PRAMEF4: variants seen among roughly 807,000 people sequenced by gnomAD.
PRAMEF4 encodes the protein PRAME family member 4.
PRAMEF4 carries 18 observed loss-of-function variants against 34.4 expected under a neutral mutation model. That is an observed-to-expected ratio of 0.52 (90% CI 0.36 to 0.78). The LOEUF (loss-of-function observed/expected upper bound fraction) is 0.78, where lower values mean the gene tolerates loss of function less well. Ranked by LOEUF, PRAMEF4 falls within the 30% of genes least tolerant of loss-of-function variation. The pLI is 0.00. For missense variants in PRAMEF4, 482 were observed against 569.1 expected, an observed-to-expected ratio of 0.85 and a Z score of 1.56; for synonymous variants, 156 against 219.3, an observed-to-expected ratio of 0.71 and a Z score of 2.55.
Position 12,882,809 on chromosome 1 carries a change from C to G in PRAMEF4, c.293+293G>C, listed in dbSNP as rs1640918308. On this transcript the variant is annotated intron_variant, in intron 2 of 3. Transcript: ENST00000235349. ...TTTACCATGTTGGACAGGCTGGCCT[C>G]CAACTCTTGACCTCAGCCTCCCAAT... is the stretch of plus-strand genomic sequence containing the variant. 1.4e-5 allele frequency among the ~76,000 whole-genome samples: 2 copies of G among 147,542 alleles called. 1 individual carries two copies. Among genetic ancestry groups the G allele is most frequent in the Admixed American group, 1.4e-4 (2 of 14,246 alleles).
rs749426669 is a variant in PRAMEF4, at chr1:12,882,099, C to T, written c.630G>A (p.Gln210=). 1.3e-6 allele frequency: 2 copies of T among 1,585,484 alleles called. No homozygotes were observed. Among genetic ancestry groups the T allele is most frequent in the African/African-American group, 1.4e-5 (1 of 70,968 alleles). ...CCCACTTGCAATTCACTTCCACCTC[C>T]TGGATACAGTCTAGGTTCACCATTT... ...ILKMVNLDCI[Q]EVEVNCKWVL... Residue 210 remains glutamine (Q), a synonymous_variant, in exon 3 of 4, where the codon CAG becomes CAA. Coordinates refer to ENST00000235349, the MANE Select transcript of PRAMEF4 (RefSeq NM_001009611.4).
chr1:12,881,629 G>A (rs1273407618), intron 3 of PRAMEF4, among the ~76,000 whole-genome samples: 1 of 141,176 alleles, frequency 7.1e-6, no homozygotes, highest in Non-Finnish European at 1.5e-5. Flanking sequence ...TTCCTAGCAT[G>A]GCAGCCTCTC....
In PRAMEF4 at chr1:12,883,404, G is replaced by T; in HGVS notation, c.-10C>A. On this transcript the variant is annotated 5_prime_UTR_variant, in exon 2 of 4. In the 5' UTR this introduces an upstream ATG that the reference lacks. Coordinates refer to ENST00000235349, the MANE Select transcript of PRAMEF4 (RefSeq NM_001009611.4). ...AGATGCTCATCTTCATGAATCTGCA[G>T]GGAAAACTTCCAGAGGACAAACCCA... 1 of 1,595,002 alleles carries T rather than the reference G, an allele frequency of 6.3e-7. No individual in the cohort carries two copies. Among genetic ancestry groups the T allele is most frequent in the East Asian group, 2.3e-5 (1 of 43,958 alleles).
chr1:12,884,429 C>T (rs879526780), intron 1 of PRAMEF4, among the ~76,000 whole-genome samples: 11 of 149,510 alleles, frequency 7.4e-5, no homozygotes, highest in African/African-American at 2.2e-4. Flanking sequence ...AACTGAACCA[C>T]TTTGGCTGGG....
rs915786900 is a variant in PRAMEF4, at chr1:12,886,068, C to T, written c.-17+79G>A. ...AGGACAGGATATAGCTCTGTGCCAT[C>T]GTAGGCTGCACTGTCACCATCCCAG... On this transcript the variant is annotated intron_variant, in intron 1 of 3. Transcript: ENST00000235349. 59 of 132,686 alleles carry T rather than the reference C, an allele frequency of 4.4e-4. 3 individuals are homozygous for T. In the South Asian group the frequency reaches 0.011, roughly 26 times the overall value. The allele number at this position is 132,686 out of a possible 1,614,324, so 8.2% of individuals were successfully genotyped here. A position where few individuals can be genotyped will look rare whatever the true frequency, so the allele number is the denominator to read the frequency against.
chr1:12,884,446 G>C (rs1569886827), intron 1 of PRAMEF4, among the ~76,000 whole-genome samples: 1 of 149,594 alleles, frequency 6.7e-6, no homozygotes, highest in East Asian at 1.9e-4. Context: ...TGGGTGCAGT[G>C]ACTCACACCT....
chr1:12,880,315 C>A (rs1178441851), intron 3 of PRAMEF4, among the ~76,000 whole-genome samples: 4 of 150,722 alleles, frequency 2.7e-5, no homozygotes, highest in African/African-American at 7.3e-5. Flanking sequence ...GTAACTCACA[C>A]CTGTAATCCC....
At chr1:12,885,187 T>C (rs1397158733) in intron 1 of PRAMEF4, among the ~76,000 whole-genome samples, 4 of 150,430 alleles carry the variant, frequency 2.7e-5, no homozygotes, top group African/African-American at 9.8e-5. Context: ...TGGAGTGCAG[T>C]GGCACCATCA....
At chr1:12,885,692 T>C (rs1460008867) in intron 1 of PRAMEF4, among the ~76,000 whole-genome samples, 1 of 146,044 alleles carries the variant, frequency 6.8e-6, no homozygotes, top group Non-Finnish European at 1.5e-5. Context: ...GACTGAGGCA[T>C]GAGAATTGCT....
intron 3 of PRAMEF4, 135 bp downstream of exon 3, chr1:12,881,719 A>T: frequency 1.4e-6 from 2 of 1,417,670 alleles, no homozygotes; most frequent in African/African-American, 1.5e-5. Flanking sequence ...GGCCGCCCAC[A>T]GGACAATGCA....
At chr1:12,884,341 G>A (rs1348340123) in intron 1 of PRAMEF4, among the ~76,000 whole-genome samples, 1 of 149,458 alleles carries the variant, frequency 6.7e-6, no homozygotes, top group African/African-American at 2.5e-5. Context: ...TCAGTGAGAA[G>A]CTTTGAAAGC....
In PRAMEF4 at chr1:12,883,142, C is replaced by G. The variant is rs200120101; in HGVS notation, c.253G>C (p.Asp85His). ...AGGTTAAGCAGTGCATCCAGCCCATCGAGCACAGCTTGGAAGGCCTCCAGA... is the reference window on the plus strand; with the variant it reads ...AGGTTAAGCAGTGCATCCAGCCCATGGAGCACAGCTTGGAAGGCCTCCAGA... Reference protein sequence around the residue: ...PCLEAFQAVLDGLDALLNLGV... With the variant: ...PCLEAFQAVLHGLDALLNLGV... Residue 85 changes from aspartate to histidine, a missense_variant, in exon 2 of 4, where the codon GAT becomes CAT. By Grantham distance (81) the Asp-to-His change is moderately conservative. Coordinates refer to ENST00000235349, the MANE Select transcript of PRAMEF4 (RefSeq NM_001009611.4). The G allele has an allele frequency of 3.1e-6, 5 of 1,601,396 alleles. No individual in the cohort carries two copies. Among genetic ancestry groups the G allele is most frequent in the South Asian group, 1.1e-5 (1 of 90,208 alleles).
Position 12,886,191 on chromosome 1 carries a change from C to G in PRAMEF4, c.-61G>C, listed in dbSNP as rs867152263. The G allele has an allele frequency of 6.9e-6, 1 of 145,460 alleles. No individual in the cohort carries two copies. The highest frequency in any genetic ancestry group is 3.5e-3 in the Middle Eastern group (1 of 286). 9.0% of individuals were successfully genotyped at this position (145,460 alleles called of 1,614,324 possible). A position where few individuals can be genotyped will look rare whatever the true frequency, so the allele number is the denominator to read the frequency against. On this transcript the variant is annotated 5_prime_UTR_variant, in exon 1 of 4. Coordinates refer to ENST00000235349, the MANE Select transcript of PRAMEF4 (RefSeq NM_001009611.4). ...GAAGGTTCTCAGATCTCAGGAAGAA[C>G]CAAGCAGGAACTCCAGGCTTGAAGA...
chr1:12,879,924 T>C lies in PRAMEF4; in HGVS notation c.1057A>G (p.Thr353Ala), dbSNP rs2100418579. ...TCATCTAAATCCAGGTACTCAAGGG[T>C]GGCTGCAACTTTTTCTAGGAGAATT... ...LQILLEKVAA[T>A]LEYLDLDDCG... is the part of the protein sequence containing the mutation. Residue 353 changes from threonine (T) to alanine (A), a missense_variant, in exon 4 of 4, where the codon ACC (threonine) becomes GCC (alanine). Thr to Ala is a moderately conservative substitution (Grantham distance 58, BLOSUM62 0). Around this residue, in one of 6 missense-constraint regions of PRAMEF4, gnomAD observed 35 missense variants for 109.2 expected, o/e 0.32. Transcript: ENST00000235349. 1 of 1,604,986 alleles carries C rather than the reference T, an allele frequency of 6.2e-7. No homozygotes were observed. Among genetic ancestry groups the C allele is most frequent in the Non-Finnish European group, 8.5e-7 (1 of 1,176,886 alleles).
intron 3 of PRAMEF4, among the ~76,000 whole-genome samples, chr1:12,881,257 T>C (rs1640882424): frequency 6.8e-6 from 1 of 147,888 alleles, no homozygotes; most frequent in Admixed American, 7.0e-5. Flanking sequence ...TCCCAGGCAC[T>C]CAGGAGGCTG....
Position 12,885,841 on chromosome 1 carries a change from G to A in PRAMEF4, c.-17+306C>T, listed in dbSNP as rs556213059. 8.3e-3 allele frequency among the ~76,000 whole-genome samples: 1,167 copies of A among 140,910 alleles called. 64 individuals carry two copies. Among genetic ancestry groups the A allele is most frequent in the African/African-American group, 0.03 (1,113 of 36,616 alleles). 92.4% of individuals were successfully genotyped at this position (140,910 alleles called of 152,430 possible). A position where few individuals can be genotyped will look rare whatever the true frequency, so the allele number is the denominator to read the frequency against. On this transcript the variant is annotated intron_variant, in intron 1 of 3. Coordinates refer to ENST00000235349, the MANE Select transcript of PRAMEF4 (RefSeq NM_001009611.4). ...GGGTTTTTGTCATGTTGTCCAGGTT[G>A]GTCTCAAATCCCTGGGCTGAAATGA...
At chr1:12,880,705 C>A (rs1477167619) in intron 3 of PRAMEF4, among the ~76,000 whole-genome samples, 1 of 148,254 alleles carries the variant, frequency 6.7e-6, no homozygotes, top group Non-Finnish European at 1.5e-5. Context: ...AAACCACATC[C>A]CTGGGCCACA....
rs934636267 is a variant in PRAMEF4, at chr1:12,885,169, G to A, written c.-17+978C>T. On this transcript the variant is annotated intron_variant, in intron 1 of 3. Coordinates refer to ENST00000235349, the MANE Select transcript of PRAMEF4 (RefSeq NM_001009611.4). The stretch of plus-strand genomic sequence containing the variant: ...TGAGGGAGCTGAGTCTCACTTCGTC[G>A]CCCAGGCTGGAGTGCAGTGGCACCA... 4.6e-5 allele frequency among the ~76,000 whole-genome samples: 7 copies of A among 150,546 alleles called. No homozygotes were observed. In the East Asian group the frequency reaches 5.8e-4, roughly 13 times the overall value.
chr1:12,880,084 C>G lies in PRAMEF4; in HGVS notation c.897G>C (p.Lys299Asn), dbSNP rs371932432. ...GCACACAGTTAGTTATTGTGAGGAA[C>G]TTTAACGAGGTCTTCAGACAGCTGG... ...QLLSCLKTSL[K>N]FLTITNCVLL... The change falls in exon 4 of 4, where the codon AAG (lysine) becomes AAC (asparagine). Residue 299 changes from lysine (K) to asparagine (N), a missense_variant. Transcript: ENST00000235349. The G allele has an allele frequency of 6.6e-7, 1 of 1,526,598 alleles. No homozygotes were observed. The highest frequency in any genetic ancestry group is 9.0e-7 in the Non-Finnish European group (1 of 1,113,122). The allele number at this position is 1,526,598 out of a possible 1,614,324, so 94.6% of individuals were successfully genotyped here.
Sources: allele counts gnomAD v4.1 joint callset (sites outside exome capture counted in the v4.1 genomes callset), GRCh38; gene constraint gnomAD v4.1.1; regional missense constraint gnomAD v4.1.1; transcripts MANE v1.5; gene names NCBI Gene and HGNC (gene_info 2026-07-23, HGNC 2026-07-21).